Variants in PLCE1 observed in about 807,000 individuals in gnomAD.
The protein encoded by PLCE1 is phospholipase C epsilon 1.
A neutral mutation model predicts 242.8 loss-of-function variants in PLCE1; 119 were observed. The observed-to-expected ratio is 0.49, with a 90% CI of 0.42 to 0.57. The LOEUF (loss-of-function observed/expected upper bound fraction) is 0.57. PLCE1 is among the 20% of genes least tolerant of loss of function. The probability of loss-of-function intolerance (pLI) is 0.00; values close to 1 mark genes in which losing one functional copy is unlikely to be tolerated. For synonymous variants in PLCE1, 945 were observed against 1,017.4 expected, an observed-to-expected ratio of 0.93 and a Z score of 1.35; for missense variants, 2,441 against 2,788.8, an observed-to-expected ratio of 0.88 and a Z score of 2.81.
At chr10:94,277,306 G>C (rs909478939) in intron 19 of PLCE1, among the ~76,000 whole-genome samples, 12 of 152,156 alleles carry the variant, frequency 7.9e-5, no homozygotes, top group Admixed American at 6.5e-4. Context: ...GTAAGACATT[G>C]CTCCTGCTTA....
intron 22 of PLCE1, among the ~76,000 whole-genome samples, chr10:94,290,124 T>A (rs1239585482): frequency 1.3e-5 from 2 of 152,022 alleles, no homozygotes; most frequent in African/African-American, 4.8e-5. Context: ...ACTCCCAGGC[T>A]CAAGTGATCC....
intron 2 of PLCE1, among the ~76,000 whole-genome samples, chr10:94,039,099 A>G (rs540983078): frequency 6.6e-6 from 1 of 152,334 alleles, no homozygotes; most frequent in African/African-American, 2.4e-5. Flanking sequence ...ATAATATTTC[A>G]TTGTATGATT....
chr10:94,199,742 G>A (rs967524212), intron 4 of PLCE1, among the ~76,000 whole-genome samples: 1 of 152,176 alleles, frequency 6.6e-6, no homozygotes. Context: ...AGTCAGTTTT[G>A]TCAAGAAAAA....
chr10:94,136,963 C>T (rs537609003), intron 3 of PLCE1, among the ~76,000 whole-genome samples: 3 of 152,240 alleles, frequency 2.0e-5, no homozygotes, highest in Non-Finnish European at 2.9e-5. Context: ...TAGGCCGAGG[C>T]GGGCAGATCA....
intron 2 of PLCE1, among the ~76,000 whole-genome samples, chr10:94,130,939 A>C (rs1174328533): frequency 1.3e-5 from 2 of 152,208 alleles, no homozygotes; most frequent in Admixed American, 1.3e-4. Flanking sequence ...GTGTCACCGA[A>C]GGAGGTGACC....
intron 9 of PLCE1, 78 bp from the exon 10 acceptor site, chr10:94,254,112 A>G (rs2050978505): frequency 9.4e-7 from 1 of 1,068,252 alleles, no homozygotes; most frequent in Non-Finnish European, 1.5e-6. Context: ...TAGGTCAGAA[A>G]ATAGAGACCT....
At position 94,328,251 on chromosome 10, in the gene PLCE1, A is replaced by G. The variant is rs2054104717; in HGVS notation, c.*308A>G. Reference sequence around the variant, plus strand: ...CAAGCTTGTCTGTAAAGGGCCAAACAGTAAATATTTTAGGGCTGGGGGCCA... The same window carrying G: ...CAAGCTTGTCTGTAAAGGGCCAAACGGTAAATATTTTAGGGCTGGGGGCCA... On this transcript the variant is annotated 3_prime_UTR_variant, in exon 33 of 33. Coordinates refer to ENST00000371380, the MANE Select transcript of PLCE1 (RefSeq NM_016341.4). 8.6e-6 allele frequency: 2 copies of G among 231,838 alleles called. No homozygotes were observed. Among genetic ancestry groups the G allele is most frequent in the South Asian group, 1.3e-4 (2 of 15,922 alleles). 14.4% of individuals were successfully genotyped at this position (231,838 alleles called of 1,614,324 possible). A position where few individuals can be genotyped will look rare whatever the true frequency, so the allele number is the denominator to read the frequency against.
At chr10:94,171,616 C>G (rs932123741) in intron 4 of PLCE1, 120 bp downstream of exon 4, 1 of 804,646 alleles carries the variant, frequency 1.2e-6, no homozygotes, top group Non-Finnish European at 2.2e-6. Context: ...CTTGCCACTT[C>G]CATGATGGCT....
chr10:94,030,599 T>G, intron 1 of PLCE1, among the ~76,000 whole-genome samples, 84 bp from the exon 2 acceptor site: 1 of 152,086 alleles, frequency 6.6e-6, no homozygotes, highest in Non-Finnish European at 1.5e-5. Context: ...TTTCTCAAAA[T>G]TGTCTGTATC....
At position 94,258,781 on chromosome 10, in the gene PLCE1, G is replaced by C. The variant is rs373480422; in HGVS notation, c.3555-19G>C. 23 of 1,613,870 alleles carry C rather than the reference G, an allele frequency of 1.4e-5. No homozygotes were observed. The highest frequency in any genetic ancestry group is 1.9e-5 in the Non-Finnish European group (22 of 1,179,952). The stretch of plus-strand genomic sequence containing the variant: ...AGTGGCCTGCCCTTGTGCCCATGAA[G>C]GCCTTGTCTTTGTTGCAGTGCTTGG... On this transcript the variant is annotated intron_variant, in intron 11 of 32. Coordinates refer to ENST00000371380, the MANE Select transcript of PLCE1 (RefSeq NM_016341.4).
chr10:94,311,814 C>T (rs550296348), intron 27 of PLCE1, among the ~76,000 whole-genome samples: 22 of 152,254 alleles, frequency 1.4e-4, no homozygotes, highest in African/African-American at 5.3e-4. Flanking sequence ...GAAAACCCTC[C>T]ATCAGTTCTC....
intron 4 of PLCE1, among the ~76,000 whole-genome samples, chr10:94,181,879 T>C (rs1296121384): frequency 6.6e-6 from 1 of 152,200 alleles, no homozygotes; most frequent in Non-Finnish European, 1.5e-5. Context: ...ATCATGCCAC[T>C]ATACTCCAGT....
At chr10:94,156,562 C>G (rs190889337) in intron 3 of PLCE1, among the ~76,000 whole-genome samples, 191 of 152,254 alleles carry the variant, frequency 1.3e-3, no homozygotes, top group Admixed American at 3.1e-3. Flanking sequence ...TCTGGGTGAC[C>G]ACCTTCCCAG....
chr10:94,275,834 C>CAA (rs150183729), intron 19 of PLCE1, among the ~76,000 whole-genome samples: 70 of 135,718 alleles, frequency 5.2e-4, no homozygotes, highest in Admixed American at 4.4e-4. Flanking sequence ...GACCCTGACT[C>CAA]AAAAAAAAAA....
intron 1 of PLCE1, among the ~76,000 whole-genome samples, chr10:93,994,719 G>T (rs1009523334): frequency 1.3e-5 from 2 of 152,206 alleles, no homozygotes; most frequent in Non-Finnish European, 2.9e-5. Flanking sequence ...GTCCTTTAAT[G>T]CTACAGTAAT....
intron 4 of PLCE1, among the ~76,000 whole-genome samples, chr10:94,192,803 C>G (rs937513195): frequency 7.2e-5 from 11 of 152,152 alleles, no homozygotes; most frequent in Admixed American, 1.3e-4. Context: ...ACCAACAATG[C>G]AGTGTTCCCT....
At chr10:94,278,845 A>G (rs989569251) in intron 19 of PLCE1, among the ~76,000 whole-genome samples, 4 of 152,028 alleles carry the variant, frequency 2.6e-5, no homozygotes, top group African/African-American at 4.8e-5. Context: ...GCACACACAT[A>G]CATTATATAT....
At chr10:94,262,399 T>C in intron 13 of PLCE1, 95 bp from the exon 14 acceptor site, 2 of 848,136 alleles carry the variant, frequency 2.4e-6, no homozygotes, top group South Asian at 2.7e-5. Context: ...GTAAAGAGCT[T>C]CTCCATTTTA....
At chr10:94,119,370 T>A (rs2046235735) in intron 2 of PLCE1, among the ~76,000 whole-genome samples, 2 of 152,126 alleles carry the variant, frequency 1.3e-5, no homozygotes, top group Admixed American at 1.3e-4. Flanking sequence ...TGTATGCATG[T>A]CCATATAGCT....
Sources: allele counts gnomAD v4.1 joint callset (sites outside exome capture counted in the v4.1 genomes callset), GRCh38; gene constraint gnomAD v4.1.1; transcripts MANE v1.5; gene names NCBI Gene and HGNC (gene_info 2026-07-23, HGNC 2026-07-21).